Variants in AP2B1 observed in about 807,000 individuals in gnomAD.
The protein encoded by AP2B1 is AP-2 complex subunit beta.
A neutral mutation model predicts 102.0 loss-of-function variants in AP2B1; 23 were observed. That is an observed-to-expected ratio of 0.23 (90% confidence interval 0.16 to 0.32). The LOEUF (loss-of-function observed/expected upper bound fraction) is 0.32. Among genes scored for constraint, AP2B1 ranks in the 10% least tolerant of loss-of-function variants. The probability of loss-of-function intolerance (pLI) is 1.00; values close to 1 mark genes in which losing one functional copy is unlikely to be tolerated. For missense variants in AP2B1, 541 were observed against 1,157.4 expected, an observed-to-expected ratio of 0.47 and a Z score of 7.73; for synonymous variants, 381 against 421.2, an observed-to-expected ratio of 0.90 and a Z score of 1.17.
At chr17:35,718,277 C>A (rs2085239869) in intron 21 of AP2B1, among the ~76,000 whole-genome samples, 1 of 149,658 alleles carries the variant, frequency 6.7e-6, no homozygotes, top group South Asian at 2.1e-4. Context: ...GGTGTTTTTC[C>A]CACTAGTTCC....
rs897774290 is a variant in AP2B1 at position 35,617,627 on chromosome 17, T to G, written c.526-6770T>G. 3.9e-5 allele frequency among the ~76,000 whole-genome samples: 6 copies of G among 152,202 alleles called. No homozygotes were observed. The East Asian group carries it at 1.2e-3, about 29-fold the overall frequency. ...CAAGGGTGTACGTTTAAAGTAGTTCTCAACAGCAACTTCCTGAAAGCTGGA... is the reference window on the plus strand; with the variant it reads ...CAAGGGTGTACGTTTAAAGTAGTTCGCAACAGCAACTTCCTGAAAGCTGGA... On this transcript the variant is annotated intron_variant, in intron 5 of 21. Transcript: ENST00000610402.
chr17:35,645,804 G>A (rs1337653513), intron 12 of AP2B1, among the ~76,000 whole-genome samples: 2 of 152,250 alleles, frequency 1.3e-5, no homozygotes, highest in East Asian at 1.9e-4. Flanking sequence ...AGCCAAGATC[G>A]TGCCATTACA....
intron 18 of AP2B1, among the ~76,000 whole-genome samples, chr17:35,705,765 G>T (rs587606164): frequency 3.9e-5 from 6 of 152,110 alleles, no homozygotes; most frequent in Non-Finnish European, 8.8e-5. Context: ...CAGGTAATCC[G>T]CCTGCCTCAG....
intron 3 of AP2B1, among the ~76,000 whole-genome samples, chr17:35,598,890 C>T (rs2073382223): frequency 6.6e-6 from 1 of 152,184 alleles, no homozygotes; most frequent in Non-Finnish European, 1.5e-5. Context: ...GAGGTCAAAG[C>T]TGTTTTCATA....
chr17:35,622,831 A>G (rs1478056759), intron 5 of AP2B1, among the ~76,000 whole-genome samples: 1 of 151,936 alleles, frequency 6.6e-6, no homozygotes, highest in Non-Finnish European at 1.5e-5. Context: ...TGCCCGGCTA[A>G]TTTTTTATAT....
chr17:35,673,660 C>T (rs774798572), intron 16 of AP2B1, among the ~76,000 whole-genome samples: 2 of 151,996 alleles, frequency 1.3e-5, no homozygotes, highest in Non-Finnish European at 2.9e-5. Flanking sequence ...GAGTTAAAAA[C>T]GTATATAAGA....
rs149008971 is a variant in AP2B1, at chr17:35,591,255, G to A, written c.-23-2753G>A. 9.0e-3 allele frequency among the ~76,000 whole-genome samples: 1,368 copies of A among 152,080 alleles called. 23 individuals are homozygous for A. The highest frequency in any genetic ancestry group is 0.031 in the African/African-American group (1,282 of 41,480). ...AGTCCCAGCTACTCGGGAGGCTGAG[G>A]CAGGAGGATTGCTTGAGCCCAGAAG... On this transcript the variant is annotated intron_variant, in intron 1 of 21. Transcript: ENST00000610402.
At chr17:35,682,917 G>C in intron 18 of AP2B1, 93 bp downstream of exon 18, 1 of 1,254,776 alleles carries the variant, frequency 8.0e-7, no homozygotes, top group South Asian at 1.5e-5. Flanking sequence ...TTACTCTGTT[G>C]CCCAGGCTGG....
intron 5 of AP2B1, among the ~76,000 whole-genome samples, chr17:35,612,998 G>GA (rs1219972151): frequency 3.8e-4 from 48 of 125,206 alleles, no homozygotes; most frequent in African/African-American, 7.1e-4. Context: ...TCTCAAAAAA[G>GA]AAAAAAAAAA....
At chr17:35,689,558 A>G (rs2076001678) in intron 18 of AP2B1, among the ~76,000 whole-genome samples, 1 of 152,186 alleles carries the variant, frequency 6.6e-6, no homozygotes, top group Non-Finnish European at 1.5e-5. Flanking sequence ...TTAATATCAC[A>G]TATCGAATCA....
chr17:35,642,658 G>C (rs2074815115), intron 12 of AP2B1, among the ~76,000 whole-genome samples: 1 of 152,046 alleles, frequency 6.6e-6, no homozygotes, highest in African/African-American at 2.4e-5. Flanking sequence ...TTTTTAGCAG[G>C]CTGTCAGAGT....
At chr17:35,713,043 G>GA (rs1457680981) in intron 20 of AP2B1, among the ~76,000 whole-genome samples, 2 of 152,174 alleles carry the variant, frequency 1.3e-5, no homozygotes, top group African/African-American at 2.4e-5. Flanking sequence ...TAACAGAGAA[G>GA]AAAAAATCCT....
chr17:35,714,699 G>T (rs1555589053), intron 20 of AP2B1, among the ~76,000 whole-genome samples: 1 of 152,084 alleles, frequency 6.6e-6, no homozygotes, highest in African/African-American at 2.4e-5. Context: ...AACAAAGAAA[G>T]ACTCTGTCGA....
chr17:35,707,105 A>G (rs1271500497), intron 18 of AP2B1, among the ~76,000 whole-genome samples: 2 of 152,056 alleles, frequency 1.3e-5, no homozygotes, highest in Non-Finnish European at 2.9e-5. Flanking sequence ...GCTGGCATCA[A>G]TCTTTGAAAG....
intron 14 of AP2B1, among the ~76,000 whole-genome samples, chr17:35,659,045 A>G (rs1438374385): frequency 6.6e-6 from 1 of 152,208 alleles, no homozygotes; most frequent in South Asian, 2.1e-4. Flanking sequence ...TTATATTCAT[A>G]TCTTTAATGA....
chr17:35,655,611 T>C (rs576461882), intron 13 of AP2B1, among the ~76,000 whole-genome samples: 2 of 152,382 alleles, frequency 1.3e-5, no homozygotes, highest in Admixed American at 1.3e-4. Context: ...TATTCTTGTA[T>C]TTGTCTTTTG....
chr17:35,607,424 G>A (rs1260501838), intron 4 of AP2B1, among the ~76,000 whole-genome samples: 5 of 152,164 alleles, frequency 3.3e-5, no homozygotes, highest in African/African-American at 1.2e-4. Context: ...GTTCATAGAG[G>A]GAATATATCA....
intron 20 of AP2B1, among the ~76,000 whole-genome samples, chr17:35,713,271 C>T (rs117043388): frequency 6.6e-6 from 1 of 152,234 alleles, no homozygotes; most frequent in Non-Finnish European, 1.5e-5. Context: ...TCCAGTGATA[C>T]ACTGCTCTGT....
intron 18 of AP2B1, among the ~76,000 whole-genome samples, chr17:35,694,057 A>AT (rs1470390281): frequency 1.3e-5 from 2 of 152,332 alleles, no homozygotes; most frequent in Admixed American, 1.3e-4. Context: ...TTACCCCTGG[A>AT]TTGAAAAATC....
Sources: allele counts gnomAD v4.1 joint callset (sites outside exome capture counted in the v4.1 genomes callset), GRCh38; gene constraint gnomAD v4.1.1; transcripts MANE v1.5; gene names NCBI Gene and HGNC (gene_info 2026-07-23, HGNC 2026-07-21).